Variants in EYS observed in about 807,000 individuals in gnomAD.
EYS encodes EGF-like photoreceptor maintenance factor.
A neutral mutation model predicts 282.1 loss-of-function variants in EYS; 250 were observed. That is an observed-to-expected ratio of 0.89 (90% CI 0.80 to 0.98). EYS has a LOEUF of 0.98. EYS is among the 50% of genes least tolerant of loss of function. The pLI, the probability that EYS is intolerant of heterozygous loss-of-function variation, is 0.00. For missense variants in EYS, 4,016 were observed against 3,709.0 expected (o/e 1.08, Z -2.15); for synonymous variants, 1,355 against 1,282.9 (o/e 1.06, Z -1.20).
intron 22 of EYS, among the ~76,000 whole-genome samples, chr6:64,710,834 A>T (rs59418456): frequency 0.038 from 5,725 of 152,322 alleles, 235 homozygotes; most frequent in East Asian, 0.14. Context: ...AAATGCTCAC[A>T]GGAGGTTGGA....
chr6:64,191,272 G>C (rs927512999), intron 31 of EYS, among the ~76,000 whole-genome samples: 4 of 151,204 alleles, frequency 2.6e-5, no homozygotes, highest in African/African-American at 9.7e-5. Context: ...CACACCATAG[G>C]GAAATTTTCT....
At chr6:65,278,619 T>A (rs1768130075) in intron 12 of EYS, among the ~76,000 whole-genome samples, 1 of 151,966 alleles carries the variant, frequency 6.6e-6, no homozygotes. Flanking sequence ...GTTTTGTTTT[T>A]AATTTGAATT....
At chr6:64,921,364 C>T (rs2150081838) in intron 15 of EYS, among the ~76,000 whole-genome samples, 1 of 152,058 alleles carries the variant, frequency 6.6e-6, no homozygotes, top group East Asian at 1.9e-4. Flanking sequence ...ATTTAAATAA[C>T]ACTCAAATTG....
At chr6:64,427,272 T>C (rs563056599) in intron 28 of EYS, among the ~76,000 whole-genome samples, 1 of 152,166 alleles carries the variant, frequency 6.6e-6, no homozygotes, top group East Asian at 1.9e-4. Context: ...CAGTGATCAA[T>C]GAGGCTTTAA....
At chr6:63,935,022 T>C (rs1765015784) in intron 35 of EYS, among the ~76,000 whole-genome samples, 1 of 152,228 alleles carries the variant, frequency 6.6e-6, no homozygotes, top group African/African-American at 2.4e-5. Context: ...CATTTCCCCA[T>C]TATCTACTTA....
At chr6:65,613,556 C>G (rs1186971827) in intron 2 of EYS, among the ~76,000 whole-genome samples, 1 of 151,788 alleles carries the variant, frequency 6.6e-6, no homozygotes, top group African/African-American at 2.4e-5. Flanking sequence ...AGCAGCAATT[C>G]AAATACATGA....
intron 2 of EYS, among the ~76,000 whole-genome samples, chr6:65,601,109 GT>G (rs1325563199): frequency 6.6e-6 from 1 of 151,844 alleles, no homozygotes; most frequent in Non-Finnish European, 1.5e-5. Context: ...TCATACTCCA[GT>G]TTAAAATTAG....
At chr6:64,933,394 C>T (rs1483107843) in intron 15 of EYS, among the ~76,000 whole-genome samples, 1 of 152,070 alleles carries the variant, frequency 6.6e-6, no homozygotes, top group Non-Finnish European at 1.5e-5. Context: ...AGCTTATCAT[C>T]ACCGGTCATT....
intron 35 of EYS, among the ~76,000 whole-genome samples, chr6:63,876,055 T>G (rs1002518771): frequency 6.6e-6 from 1 of 152,216 alleles, no homozygotes; most frequent in Admixed American, 6.5e-5. Flanking sequence ...TTCTTTTAAT[T>G]GTGTTGTTAG....
Position 64,940,828 on chromosome 6 carries a change from GA to G in EYS, c.2381+4964del, listed in dbSNP as rs1248714444. ...ACCCACTTTAATCACCAAAAAATTA[GA>G]AACATTTGTGAAAAGTTTTACAGGC... On this transcript the variant is annotated intron_variant, in intron 15 of 42. Transcript: ENST00000503581. Among the ~76,000 whole-genome samples, 3 of 151,954 alleles carry G rather than the reference GA, an allele frequency of 2.0e-5. No homozygotes were observed. The South Asian group carries it at 6.2e-4, about 31-fold the overall frequency.
chr6:64,028,243 G>T (rs543911543), intron 33 of EYS, among the ~76,000 whole-genome samples: 1 of 152,300 alleles, frequency 6.6e-6, no homozygotes, highest in African/African-American at 2.4e-5. Context: ...AAAAATGCCT[G>T]CCCAGTCCAA....
At chr6:65,364,410 A>T (rs896446228) in intron 8 of EYS, among the ~76,000 whole-genome samples, 1 of 151,478 alleles carries the variant, frequency 6.6e-6, no homozygotes, top group African/African-American at 2.4e-5. Context: ...AATGAATAAA[A>T]CTTTAAAATA....
At chr6:64,231,674 T>C (rs1051716831) in intron 30 of EYS, among the ~76,000 whole-genome samples, 3 of 152,194 alleles carry the variant, frequency 2.0e-5, no homozygotes, top group Admixed American at 6.5e-5. Context: ...TTATTTTGTG[T>C]GTAGCCTCTA....
intron 30 of EYS, among the ~76,000 whole-genome samples, chr6:64,272,443 T>C (rs929129728): frequency 1.3e-5 from 2 of 152,222 alleles, no homozygotes; most frequent in African/African-American, 4.8e-5. Flanking sequence ...AGTGCTTCCT[T>C]CAGGAGCTCT....
Position 65,443,402 on chromosome 6 carries a change from G to A in EYS, c.863-38035C>T, listed in dbSNP as rs1390042451. On this transcript the variant is annotated intron_variant, in intron 5 of 42. Coordinates refer to ENST00000503581, the MANE Select transcript of EYS (RefSeq NM_001142800.2). The stretch of plus-strand genomic sequence containing the variant: ...TATAGACATATATGCATACATGTAT[G>A]TACACATATAGCCATATATGTACAT... 1.3e-5 allele frequency among the ~76,000 whole-genome samples: 2 copies of A among 148,556 alleles called. 1 individual carries two copies. Among genetic ancestry groups the A allele is most frequent in the Non-Finnish European group, 3.0e-5 (2 of 66,780 alleles).
In EYS at chr6:64,552,867, A is replaced by G. The variant is rs533045604; in HGVS notation, c.5644+37356T>C. Among the ~76,000 whole-genome samples the G allele has an allele frequency of 4.6e-5, 7 of 151,858 alleles. No individual in the cohort carries two copies. The East Asian group carries it at 9.8e-4, about 21-fold the overall frequency. ...TGGGGAGGCAGAGGTTGCTGTGAGC[A>G]GAGATCACGCCATTGCACTCCAGCC... On this transcript the variant is annotated intron_variant, in intron 26 of 42. Transcript: ENST00000503581.
At position 64,565,010 on chromosome 6, in the gene EYS, AT is replaced by A. The variant is rs912440901; in HGVS notation, c.5644+25212del. On this transcript the variant is annotated intron_variant, in intron 26 of 42. Coordinates refer to ENST00000503581, the MANE Select transcript of EYS (RefSeq NM_001142800.2). ...ATGTGTATTCAGATCCTTTGCGTAA[AT>A]TTTTTTTCTGTTGATTTATTTGACT... 2.5e-3 allele frequency among the ~76,000 whole-genome samples: 375 copies of A among 151,468 alleles called. 1 individual carries two copies. The highest frequency in any genetic ancestry group is 8.7e-3 in the African/African-American group (357 of 41,236).
At chr6:64,837,716 C>T (rs116476043) in intron 19 of EYS, among the ~76,000 whole-genome samples, 2,222 of 144,178 alleles carry the variant, frequency 0.015, 60 homozygotes, top group African/African-American at 0.051. Flanking sequence ...CTAAAGAGTC[C>T]ACCAAAAAAC....
chr6:64,432,524 T>C (rs1206160559), intron 28 of EYS, among the ~76,000 whole-genome samples: 2 of 150,888 alleles, frequency 1.3e-5, no homozygotes, highest in African/African-American at 4.9e-5. Context: ...AATATAATTA[T>C]GTTTTAGTAT....
Sources: allele counts gnomAD v4.1 joint callset (sites outside exome capture counted in the v4.1 genomes callset), GRCh38; gene constraint gnomAD v4.1.1; transcripts MANE v1.5; gene names NCBI Gene and HGNC (gene_info 2026-07-23, HGNC 2026-07-21).